Variants in KAZN observed in about 807,000 individuals in gnomAD.
KAZN encodes the protein kazrin, periplakin interacting protein.
In KAZN, 40 loss-of-function variants were observed where a neutral mutation model predicts 87.4. The ratio of observed to expected loss-of-function variants is 0.46; its 90% CI spans 0.36 to 0.60. The LOEUF (loss-of-function observed/expected upper bound fraction) is 0.60. Ranked by LOEUF, KAZN falls within the 20% of genes least tolerant of loss-of-function variation. The pLI, the probability that KAZN is intolerant of heterozygous loss-of-function variation, is 0.00. For synonymous variants in KAZN, 466 were observed against 458.3 expected (o/e 1.02, Z -0.22); for missense variants, 898 against 1,073.9 (o/e 0.84, Z 2.29).
intron 2 of KAZN, among the ~76,000 whole-genome samples, chr1:14,992,704 C>T (rs1479087066): frequency 1.3e-5 from 2 of 152,056 alleles, no homozygotes; most frequent in Non-Finnish European, 2.9e-5. Flanking sequence ...AGTGCAGCAG[C>T]GCAATCTCGT....
intron 2 of KAZN, among the ~76,000 whole-genome samples, chr1:14,501,049 C>T (rs915457983): frequency 1.3e-5 from 2 of 150,602 alleles, no homozygotes; most frequent in African/African-American, 4.9e-5. Flanking sequence ...TCTTCACAGA[C>T]TTTTTCATAA....
In KAZN at chr1:15,043,904, G is replaced by A. The variant is rs1464501785; in HGVS notation, c.556-85G>A. ...GTGACCCCACTTCTTTTTCCATCTA[G>A]GAGTTAGGCCCCCTCTAGGCATCCC... On this transcript the variant is annotated intron_variant, in intron 3 of 14. Transcript: ENST00000376030. The A allele has an allele frequency of 3.0e-6, 4 of 1,352,852 alleles. No homozygotes were observed. The African/African-American group carries it at 4.4e-5, about 15-fold the overall frequency. The allele number at this position is 1,352,852 out of a possible 1,614,324, so 83.8% of individuals were successfully genotyped here.
At chr1:14,741,942 G>GTT (rs147687617) in intron 1 of KAZN, among the ~76,000 whole-genome samples, 1 of 150,546 alleles carries the variant, frequency 6.6e-6, no homozygotes, top group Admixed American at 6.6e-5. Context: ...TCTTGTGGTT[G>GTT]TTTTTTTTTG....
intron 1 of KAZN, among the ~76,000 whole-genome samples, chr1:14,114,612 C>A (rs1447412102): frequency 2.6e-5 from 4 of 152,082 alleles, no homozygotes; most frequent in Admixed American, 1.3e-4. Flanking sequence ...TTCTGCATTC[C>A]CCCATTCACC....
chr1:13,995,936 G>C (rs570349485), intron 1 of KAZN, among the ~76,000 whole-genome samples: 510 of 152,302 alleles, frequency 3.3e-3, no homozygotes, highest in Non-Finnish European at 5.4e-3. Flanking sequence ...AAACAGCAGC[G>C]ATCAGAGGCT....
At chr1:14,067,655 G>A (rs1643064449) in intron 1 of KAZN, among the ~76,000 whole-genome samples, 1 of 152,102 alleles carries the variant, frequency 6.6e-6, no homozygotes, top group South Asian at 2.1e-4. Flanking sequence ...CTGCTTCCTG[G>A]GTTAGTCCCA....
At chr1:14,892,680 C>G (rs1654842428) in intron 1 of KAZN, among the ~76,000 whole-genome samples, 1 of 152,206 alleles carries the variant, frequency 6.6e-6, no homozygotes, top group African/African-American at 2.4e-5. Context: ...CCACCCCTGC[C>G]CATGGCTCAG....
chr1:14,191,578 G>T (rs141551907), intron 2 of KAZN, among the ~76,000 whole-genome samples: 1 of 152,114 alleles, frequency 6.6e-6, no homozygotes. Flanking sequence ...CAAGGAACAC[G>T]TCTGGGAGTC....
intron 2 of KAZN, among the ~76,000 whole-genome samples, chr1:15,010,133 T>C (rs1399992807): frequency 6.6e-6 from 1 of 152,236 alleles, no homozygotes; most frequent in Non-Finnish European, 1.5e-5. Flanking sequence ...CTTTTTTTAT[T>C]ATCCTTGCTA....
At chr1:14,918,181 T>G (rs1283176503) in intron 1 of KAZN, among the ~76,000 whole-genome samples, 2 of 152,118 alleles carry the variant, frequency 1.3e-5, no homozygotes, top group Non-Finnish European at 2.9e-5. Context: ...CTGGCCAAGA[T>G]CTAGATGCAC....
At chr1:14,044,471 T>G (rs1466210352) in intron 1 of KAZN, among the ~76,000 whole-genome samples, 1 of 152,102 alleles carries the variant, frequency 6.6e-6, no homozygotes, top group Non-Finnish European at 1.5e-5. Flanking sequence ...ATGGAAATAT[T>G]TCCAATAATA....
chr1:14,131,384 T>C (rs1644989182), intron 1 of KAZN, among the ~76,000 whole-genome samples: 1 of 152,126 alleles, frequency 6.6e-6, no homozygotes, highest in Non-Finnish European at 1.5e-5. Context: ...TTGAATCAAT[T>C]TATTCATTTT....
intron 2 of KAZN, among the ~76,000 whole-genome samples, chr1:14,373,798 G>A (rs1299374222): frequency 6.6e-6 from 1 of 152,194 alleles, no homozygotes; most frequent in Non-Finnish European, 1.5e-5. Flanking sequence ...GATGGCTTCA[G>A]ATTTCATGGG....
intron 1 of KAZN, among the ~76,000 whole-genome samples, chr1:13,945,710 T>TGTGAGAGAGA (rs757118365): frequency 1.5e-5 from 2 of 137,186 alleles, no homozygotes; most frequent in Non-Finnish European, 1.5e-5. Context: ...TGTGTGTGTG[T>TGTGAGAGAGA]GAGAGAGAGA....
rs1668657206 is a variant in KAZN, at chr1:14,475,253, T to A, written c.250-123730T>A. 2.0e-5 allele frequency among the ~76,000 whole-genome samples: 3 copies of A among 152,140 alleles called. No individual in the cohort carries two copies. The South Asian group carries it at 6.2e-4, about 32-fold the overall frequency. ...ATTAAATTCTCAGGCTCCAGACCAA[T>A]CTCCTTTTGAACCTTATAGCTGACA... On this transcript the variant is annotated intron_variant, in intron 2 of 16. Coordinates refer to the KAZN transcript ENST00000636203.
At chr1:14,940,601 C>A (rs1406946142) in intron 1 of KAZN, among the ~76,000 whole-genome samples, 1 of 152,222 alleles carries the variant, frequency 6.6e-6, no homozygotes, top group African/African-American at 2.4e-5. Context: ...GAGCTCTCGT[C>A]CCCTACTGGG....
chr1:14,594,061 C>T (rs1676351438), upstream of KAZN, among the ~76,000 whole-genome samples: 1 of 152,132 alleles, frequency 6.6e-6, no homozygotes, highest in African/African-American at 2.4e-5. Flanking sequence ...GTAGACAATC[C>T]CCATTGCCTT....
intron 2 of KAZN, among the ~76,000 whole-genome samples, chr1:14,378,767 A>G (rs369672810): frequency 6.6e-6 from 1 of 152,256 alleles, no homozygotes. Flanking sequence ...TTTCCACTGA[A>G]GACTAAAATG....
intron 2 of KAZN, among the ~76,000 whole-genome samples, chr1:14,411,864 G>C (rs973613277): frequency 6.6e-6 from 1 of 152,190 alleles, no homozygotes; most frequent in South Asian, 2.1e-4. Flanking sequence ...AAAAGTTCTG[G>C]TCTTTGTATT....
Sources: allele counts gnomAD v4.1 joint callset (sites outside exome capture counted in the v4.1 genomes callset), GRCh38; gene constraint gnomAD v4.1.1; transcripts MANE v1.5; gene names NCBI Gene and HGNC (gene_info 2026-07-23, HGNC 2026-07-21).